Variants in RALYL observed in about 807,000 individuals in gnomAD.
The protein encoded by RALYL is RALY RNA binding protein like.
In RALYL, 29 loss-of-function variants were observed where a neutral mutation model predicts 35.1. The observed-to-expected ratio is 0.83, with a 90% CI of 0.61 to 1.13. The LOEUF (loss-of-function observed/expected upper bound fraction) is 1.13. RALYL is among the 50% of genes most tolerant of loss of function. The pLI is 0.00. For synonymous variants in RALYL, 120 were observed against 127.6 expected, an observed-to-expected ratio of 0.94 and a Z score of 0.40; for missense variants, 359 against 360.4, an observed-to-expected ratio of 1.00 and a Z score of 0.03.
At chr8:84,238,700 G>A (rs1465752389) in intron 1 of RALYL, among the ~76,000 whole-genome samples, 1 of 152,140 alleles carries the variant, frequency 6.6e-6, no homozygotes, top group African/African-American at 2.4e-5. Flanking sequence ...TTTGAAGGCT[G>A]TAGTGGTAGG....
intron 2 of RALYL, among the ~76,000 whole-genome samples, chr8:84,565,965 A>G (rs896411346): frequency 1.3e-5 from 2 of 151,682 alleles, no homozygotes; most frequent in Non-Finnish European, 3.0e-5. Context: ...TAAAGATGAA[A>G]TGAATTAATT....
chr8:84,462,123 T>A (rs1488624050), intron 1 of RALYL, among the ~76,000 whole-genome samples: 2 of 151,760 alleles, frequency 1.3e-5, no homozygotes, highest in South Asian at 2.1e-4. Context: ...GTTTTTTTTT[T>A]ATTTTTATTT....
At chr8:84,812,560 G>A (rs191461445) in intron 4 of RALYL, among the ~76,000 whole-genome samples, 94 of 152,258 alleles carry the variant, frequency 6.2e-4, no homozygotes, top group Middle Eastern at 3.4e-3. Context: ...TGGGGGCAGG[G>A]CTAGGCATGT....
intron 3 of RALYL, among the ~76,000 whole-genome samples, chr8:84,783,755 C>A (rs907376078): frequency 1.3e-5 from 2 of 152,044 alleles, no homozygotes; most frequent in Non-Finnish European, 2.9e-5. Context: ...GAAGTAATTG[C>A]AATTCACAGT....
rs150190341 is a variant in RALYL, at chr8:84,253,143, G to A, written c.-24+68719G>A. ...ATTACTGCCCTTCTTATAAATATGCGTTTGTGTGTATGTGTCTGTGTGTAG... is the reference window on the plus strand; with the variant it reads ...ATTACTGCCCTTCTTATAAATATGCATTTGTGTGTATGTGTCTGTGTGTAG... On this transcript the variant is annotated intron_variant, in intron 1 of 8. Coordinates refer to ENST00000521268, the MANE Select transcript of RALYL (RefSeq NM_173848.7). 9.3e-3 allele frequency among the ~76,000 whole-genome samples: 1,152 copies of A among 123,658 alleles called. 17 individuals carry two copies. The highest frequency in any genetic ancestry group is 0.034 in the African/African-American group (1,088 of 31,936). 81.1% of individuals were successfully genotyped at this position (123,658 alleles called of 152,430 possible). A position where few individuals can be genotyped will look rare whatever the true frequency, so the allele number is the denominator to read the frequency against.
intron 1 of RALYL, among the ~76,000 whole-genome samples, chr8:84,203,563 T>A (rs2131042762): frequency 6.6e-6 from 1 of 152,294 alleles, no homozygotes; most frequent in African/African-American, 2.4e-5. Context: ...AATAATTTCA[T>A]GTTTCATTAT....
At chr8:84,594,917 C>A (rs944766273) in intron 2 of RALYL, among the ~76,000 whole-genome samples, 1 of 141,680 alleles carries the variant, frequency 7.1e-6, no homozygotes, top group Non-Finnish European at 1.5e-5. Context: ...GCTTTTAGAG[C>A]ATGGTTGCTT....
intron 2 of RALYL, among the ~76,000 whole-genome samples, chr8:84,563,617 ATCTTT>A (rs1323567534): frequency 6.6e-6 from 1 of 151,428 alleles, no homozygotes; most frequent in Non-Finnish European, 1.5e-5. Context: ...GCGAACCTAG[ATCTTT>A]TCTTTGTTGT....
intron 2 of RALYL, among the ~76,000 whole-genome samples, chr8:84,572,629 C>A (rs999555327): frequency 2.0e-5 from 3 of 151,876 alleles, no homozygotes; most frequent in African/African-American, 4.8e-5. Flanking sequence ...TTTACAATAA[C>A]AAATAGAATC....
chr8:84,804,758 AT>A lies in RALYL; in HGVS notation c.333-6del, dbSNP rs1364885118. 6.0e-6 allele frequency: 7 copies of A among 1,165,204 alleles called. No homozygotes were observed. 72.2% of individuals were successfully genotyped at this position (1,165,204 alleles called of 1,614,324 possible). ...TTTTATATTAAAAGAAAATTTTCAT[AT>A]TTTTTCATAGACTTGAATCAAAGGA... On this transcript the variant is annotated splice_polypyrimidine_tract_variant and intron_variant, in intron 3 of 8. Transcript: ENST00000521268.
intron 2 of RALYL, among the ~76,000 whole-genome samples, chr8:84,537,176 A>G (rs899378397): frequency 1.4e-4 from 17 of 122,148 alleles, no homozygotes; most frequent in Non-Finnish European, 2.7e-4. Flanking sequence ...AAAAAAAAAA[A>G]CTCTATTCAC....
chr8:84,871,368 T>C (rs1840160020), intron 6 of RALYL, among the ~76,000 whole-genome samples: 1 of 152,196 alleles, frequency 6.6e-6, no homozygotes, highest in Non-Finnish European at 1.5e-5. Flanking sequence ...ATTCCTGGGC[T>C]AAGGAGTAGC....
intron 8 of RALYL, among the ~76,000 whole-genome samples, chr8:84,890,744 C>A (rs1843688264): frequency 6.6e-6 from 1 of 151,886 alleles, no homozygotes; most frequent in Non-Finnish European, 1.5e-5. Context: ...TTTATCAGCC[C>A]TTATGGAAGC....
chr8:84,323,126 C>T (rs567987301), intron 1 of RALYL, among the ~76,000 whole-genome samples: 31 of 152,132 alleles, frequency 2.0e-4, no homozygotes, highest in Middle Eastern at 3.4e-3. Flanking sequence ...AGGACTATAA[C>T]TTATTCAGCT....
chr8:84,345,441 A>G (rs934410752), intron 1 of RALYL, among the ~76,000 whole-genome samples: 3 of 152,096 alleles, frequency 2.0e-5, no homozygotes, highest in African/African-American at 7.2e-5. Context: ...ACTATGACAT[A>G]TCTACCTCAG....
At chr8:84,745,575 G>A (rs570759290) in intron 2 of RALYL, among the ~76,000 whole-genome samples, 28 of 151,936 alleles carry the variant, frequency 1.8e-4, no homozygotes, top group Non-Finnish European at 3.8e-4. Context: ...ATCTCTAATG[G>A]CCCATAGTAT....
chr8:84,812,329 C>T (rs1826085754), intron 4 of RALYL, among the ~76,000 whole-genome samples: 2 of 152,214 alleles, frequency 1.3e-5, no homozygotes, highest in South Asian at 2.1e-4. Flanking sequence ...GGGTTGTCTG[C>T]AGAGTCCTGT....
intron 1 of RALYL, among the ~76,000 whole-genome samples, chr8:84,367,326 T>TG (rs1563800008): frequency 2.9e-3 from 62 of 21,730 alleles, no homozygotes; most frequent in African/African-American, 0.019. Flanking sequence ...GTATTTTTTT[T>TG]TTTTTTTTTT....
intron 1 of RALYL, among the ~76,000 whole-genome samples, chr8:84,241,570 GT>G (rs199750217): frequency 0.019 from 2,883 of 152,152 alleles, 42 homozygotes; most frequent in Non-Finnish European, 0.031. Flanking sequence ...GAGGTCAAGA[GT>G]TCAAGACCAG....
Sources: gnomAD v4.1 joint callset for allele counts (sites outside exome capture counted in the v4.1 genomes callset) on GRCh38, gnomAD v4.1.1 for gene constraint, MANE v1.5 for transcripts, NCBI Gene and HGNC (gene_info 2026-07-23, HGNC 2026-07-21) for gene names.